The following CTNND2 variants were observed in gnomAD, a reference collection of about 807,000 sequenced individuals.
CTNND2 encodes catenin delta-2.
Under a neutral mutation model 144.4 loss-of-function variants are expected in CTNND2, and 22 were observed. The observed-to-expected ratio is 0.15, with a 90% CI of 0.11 to 0.22. The LOEUF is 0.22. Ranked by LOEUF, CTNND2 falls within the 10% of genes least tolerant of loss-of-function variation. The pLI is 1.00. For synonymous variants in CTNND2, 751 were observed against 695.6 expected (o/e 1.08, Z -1.25); for missense variants, 1,353 against 1,618.8 (o/e 0.84, Z 2.82).
chr5:11,584,592 A>G (rs1471712899), intron 2 of CTNND2, among the ~76,000 whole-genome samples: 2 of 152,166 alleles, frequency 1.3e-5, no homozygotes, highest in Admixed American at 1.3e-4. Flanking sequence ...TAGAGATTAC[A>G]GAGTTTATTT....
intron 9 of CTNND2, among the ~76,000 whole-genome samples, chr5:11,271,716 A>C (rs938978261): frequency 5.9e-5 from 9 of 152,318 alleles, no homozygotes; most frequent in Non-Finnish European, 8.8e-5. Flanking sequence ...AATATCTCAT[A>C]TCATCTGCAA....
chr5:11,751,451 T>C (rs1179898761), intron 1 of CTNND2, among the ~76,000 whole-genome samples: 3 of 151,858 alleles, frequency 2.0e-5, no homozygotes, highest in Non-Finnish European at 4.4e-5. Context: ...ATGTACTCAA[T>C]ATTTACCTTC....
At chr5:11,208,424 T>A (rs1003795916) in intron 10 of CTNND2, among the ~76,000 whole-genome samples, 12 of 152,154 alleles carry the variant, frequency 7.9e-5, no homozygotes, top group Non-Finnish European at 1.0e-4. Context: ...AAGATGAACA[T>A]ATTCTAAAGC....
At chr5:11,751,281 T>C (rs1788602422) in intron 1 of CTNND2, among the ~76,000 whole-genome samples, 1 of 151,938 alleles carries the variant, frequency 6.6e-6, no homozygotes, top group South Asian at 2.1e-4. Context: ...AGGTTTGTAA[T>C]ATAGGTAAAT....
chr5:11,319,499 CTTTA>C (rs1751825791), intron 9 of CTNND2, among the ~76,000 whole-genome samples: 1 of 151,992 alleles, frequency 6.6e-6, no homozygotes, highest in Non-Finnish European at 1.5e-5. Context: ...TCTATAGTGT[CTTTA>C]TTTATTTATT....
chr5:11,872,216 T>C (rs1735193677), intron 1 of CTNND2, among the ~76,000 whole-genome samples: 1 of 152,202 alleles, frequency 6.6e-6, no homozygotes, highest in East Asian at 1.9e-4. Flanking sequence ...CATGAATTCA[T>C]CCTTTTTTAT....
Position 11,515,091 on chromosome 5 carries a change from T to C in CTNND2, c.287+49853A>G, listed in dbSNP as rs1443187150. On this transcript the variant is annotated intron_variant, in intron 3 of 21. Coordinates refer to ENST00000304623, the MANE Select transcript of CTNND2 (RefSeq NM_001332.4). ...AAGGCAGGGCAAACAAACGAAAACA[T>C]GCATCCCATTAATGCACACCAAAAA... 2.1e-5 allele frequency among the ~76,000 whole-genome samples: 3 copies of C among 145,658 alleles called. No homozygotes were observed. The Admixed American group carries it at 2.1e-4, about 10-fold the overall frequency.
At chr5:11,506,271 T>G (rs1771025351) in intron 3 of CTNND2, among the ~76,000 whole-genome samples, 1 of 152,190 alleles carries the variant, frequency 6.6e-6, no homozygotes, top group Admixed American at 6.5e-5. Flanking sequence ...ACTAGCAAAT[T>G]GGAAGGCTTT....
chr5:11,744,165 A>G (rs1788175793), intron 1 of CTNND2, among the ~76,000 whole-genome samples: 1 of 152,144 alleles, frequency 6.6e-6, no homozygotes. Flanking sequence ...ATCTCAGCCA[A>G]TTTTATCTAA....
At chr5:11,285,864 T>C (rs1008461109) in intron 9 of CTNND2, among the ~76,000 whole-genome samples, 6 of 65,950 alleles carry the variant, frequency 9.1e-5, no homozygotes, top group Admixed American at 6.0e-4. Flanking sequence ...AGTGCACACA[T>C]ATATGTTAAA....
At chr5:11,029,067 ATTC>A (rs1743174731) in intron 16 of CTNND2, among the ~76,000 whole-genome samples, 1 of 152,226 alleles carries the variant, frequency 6.6e-6, no homozygotes. Flanking sequence ...ATATTTTGCT[ATTC>A]TTCTGTTGAC....
intron 11 of CTNND2, among the ~76,000 whole-genome samples, chr5:11,166,044 C>T (rs1258213097): frequency 1.3e-5 from 2 of 152,080 alleles, no homozygotes; most frequent in Non-Finnish European, 2.9e-5. Context: ...GAGGCTCAAA[C>T]CAAGCCCAAA....
chr5:11,849,729 C>T (rs75420357), intron 1 of CTNND2, among the ~76,000 whole-genome samples: 2,232 of 152,260 alleles, frequency 0.015, 52 homozygotes, highest in African/African-American at 0.05. Flanking sequence ...TGAAGTGTCC[C>T]GGATGATTCT....
At chr5:11,399,906 T>A (rs907996296) in intron 5 of CTNND2, among the ~76,000 whole-genome samples, 1 of 152,222 alleles carries the variant, frequency 6.6e-6, no homozygotes, top group Non-Finnish European at 1.5e-5. Context: ...AGGTTTTAAA[T>A]CAGTGTCATT....
At chr5:11,414,987 A>T (rs77717576) in intron 3 of CTNND2, among the ~76,000 whole-genome samples, 1 of 152,138 alleles carries the variant, frequency 6.6e-6, no homozygotes, top group Non-Finnish European at 1.5e-5. Context: ...CATCTTCTTT[A>T]ATCAGCCTAT....
In CTNND2 at chr5:11,364,683, C is replaced by A. The variant is rs1375886530; in HGVS notation, c.1372+13G>T. 6.3e-7 allele frequency: 1 copy of A among 1,598,586 alleles called. No homozygotes were observed. The highest frequency in any genetic ancestry group is 1.8e-5 in the Admixed American group (1 of 56,042). ...CTGTGGACAGGCCACCCAGTGGGGT[C>A]CTGATTACACACCTGTGCTCGTGCG... On this transcript the variant is annotated intron_variant, in intron 8 of 21. Transcript: ENST00000304623.
At chr5:11,205,848 G>A (rs924365049) in intron 10 of CTNND2, among the ~76,000 whole-genome samples, 3 of 152,078 alleles carry the variant, frequency 2.0e-5, no homozygotes, top group South Asian at 2.1e-4. Context: ...TTGTGTTTTC[G>A]AGAGAAAGCA....
chr5:11,182,164 G>T (rs545161479), intron 11 of CTNND2, among the ~76,000 whole-genome samples: 229 of 138,254 alleles, frequency 1.7e-3, no homozygotes, highest in African/African-American at 5.9e-3. Context: ...TGTGTGTGTG[G>T]TGTGAGTGGG....
intron 15 of CTNND2, chr5:11,083,826 G>A: frequency 9.9e-7 from 1 of 1,006,942 alleles, no homozygotes; most frequent in Non-Finnish European, 1.2e-6. Flanking sequence ...CCCCCACCAG[G>A]CCACCTCCAC....
Sources: gnomAD v4.1 joint callset for allele counts (sites outside exome capture counted in the v4.1 genomes callset) on GRCh38, gnomAD v4.1.1 for gene constraint, MANE v1.5 for transcripts, NCBI Gene and HGNC (gene_info 2026-07-23, HGNC 2026-07-21) for gene names.